The following RBSN variants were observed in gnomAD, a reference collection of about 807,000 sequenced individuals.
RBSN encodes the protein rabenosyn-5.
RBSN carries 34 observed loss-of-function variants against 60.5 expected under a neutral mutation model. The ratio of observed to expected loss-of-function variants is 0.56; its 90% CI spans 0.43 to 0.75. The LOEUF (loss-of-function observed/expected upper bound fraction) is 0.75, where lower values mean the gene tolerates loss of function less well. Among genes scored for constraint, RBSN ranks in the 30% least tolerant of loss-of-function variants. RBSN has a pLI of 0.00. For synonymous variants in RBSN, 322 were observed against 366.9 expected (o/e 0.88, Z 1.40); for missense variants, 845 against 986.8 (o/e 0.86, Z 1.92).
Position 15,074,444 on chromosome 3 carries a change from G to C in RBSN, c.1693C>G (p.Pro565Ala). 6.2e-7 allele frequency: 1 copy of C among 1,614,198 alleles called. No individual in the cohort carries two copies. Among genetic ancestry groups the C allele is most frequent in the Non-Finnish European group, 8.5e-7 (1 of 1,180,022 alleles). ...AAAGCATAAGCAAGGTGGGTGCGAG[G>C]CTCTCTGCTGGGCTCCAGCTGAAAA... ...GPFQLEPSRE[P>A]RTHLAYALDL... Residue 565 changes from proline to alanine, a missense_variant, in exon 14 of 14, where the codon CCT becomes GCT. Pro to Ala is a conservative substitution (Grantham distance 27). Coordinates refer to ENST00000253699, the MANE Select transcript of RBSN (RefSeq NM_022340.4). This position sits in a 1 kb window ranked among gnomAD's most constrained non-coding sequence, Gnocchi z 6.4.
chr3:15,091,829 C>A (rs1273412026), intron 4 of RBSN, among the ~76,000 whole-genome samples: 1 of 152,158 alleles, frequency 6.6e-6, no homozygotes, highest in Admixed American at 6.5e-5. Context: ...GGTTCTGCCA[C>A]CTGTGCTGGT....
At chr3:15,089,388 C>CT (rs1483551344) in intron 5 of RBSN, among the ~76,000 whole-genome samples, 2 of 139,532 alleles carry the variant, frequency 1.4e-5, no homozygotes, top group East Asian at 4.4e-4. Flanking sequence ...ATCACTTGAG[C>CT]CTGGAATGCA....
chr3:15,086,144 T>G, intron 5 of RBSN, 183 bp from the exon 6 acceptor site: 1 of 533,770 alleles, frequency 1.9e-6, no homozygotes, highest in Non-Finnish European at 3.3e-6. Context: ...ACGCCTATAA[T>G]CCCAGCTCCT....
chr3:15,092,687 C>T (rs933656935), intron 4 of RBSN, among the ~76,000 whole-genome samples: 2 of 152,188 alleles, frequency 1.3e-5, no homozygotes, highest in Non-Finnish European at 2.9e-5. Flanking sequence ...GCTGGGATTG[C>T]AGGCATGAGC....
intron 10 of RBSN, among the ~76,000 whole-genome samples, chr3:15,079,813 T>C (rs1235203354): frequency 6.6e-6 from 1 of 152,248 alleles, no homozygotes; most frequent in Non-Finnish European, 1.5e-5. Flanking sequence ...TGGGGTTTCC[T>C]ACTGGGGTGA....
chr3:15,087,850 G>A (rs1252281639), intron 5 of RBSN, among the ~76,000 whole-genome samples: 1 of 152,030 alleles, frequency 6.6e-6, no homozygotes, highest in Non-Finnish European at 1.5e-5. Flanking sequence ...CAAATTCCTG[G>A]CCTCATGTGA....
intron 10 of RBSN, 38 bp from the exon 11 acceptor site, chr3:15,078,199 G>A: frequency 6.4e-7 from 1 of 1,569,426 alleles, no homozygotes; most frequent in South Asian, 1.1e-5. Context: ...TAAGTTTCAT[G>A]GTGCAGATTG....
chr3:15,076,444 A>T (rs2043055786), intron 12 of RBSN, among the ~76,000 whole-genome samples: 1 of 152,178 alleles, frequency 6.6e-6, no homozygotes, highest in African/African-American at 2.4e-5. Flanking sequence ...CTATTTAATA[A>T]AAGAAAAAAA....
At position 15,073,461 on chromosome 3, in the gene RBSN, G is replaced by A. The variant is rs935231819; in HGVS notation, c.*321C>T. The A allele has an allele frequency of 3.5e-6, 1 of 287,894 alleles. No individual in the cohort carries two copies. Among genetic ancestry groups the A allele is most frequent in the Non-Finnish European group, 6.5e-6 (1 of 152,674 alleles). The allele number at this position is 287,894 out of a possible 1,614,324, so 17.8% of individuals were successfully genotyped here. The stretch of plus-strand genomic sequence containing the variant: ...CCATTTCTGCCCTGGGCCCAACAGA[G>A]CTGCATTTAGTTATATCTCGGTAGT... On this transcript the variant is annotated 3_prime_UTR_variant, in exon 14 of 14. Transcript: ENST00000253699.
chr3:15,076,733 AT>A (rs1239808775), intron 12 of RBSN, among the ~76,000 whole-genome samples: 1 of 152,204 alleles, frequency 6.6e-6, no homozygotes. Context: ...AGTCTATCAA[AT>A]GTCCAACTAA....
chr3:15,098,602 A>G (rs1468572394), intron 1 of RBSN, among the ~76,000 whole-genome samples: 1 of 152,070 alleles, frequency 6.6e-6, no homozygotes, highest in Admixed American at 6.6e-5. Context: ...CACAACCCAC[A>G]TAACTAACAT....
chr3:15,078,191 A>G, intron 10 of RBSN, 30 bp from the exon 11 acceptor site: 4 of 1,596,820 alleles, frequency 2.5e-6, no homozygotes, highest in Non-Finnish European at 3.4e-6. Flanking sequence ...ACGTGACCTA[A>G]GTTTCATGGT....
chr3:15,085,071 T>C (rs769912173), intron 6 of RBSN, 26 bp from the exon 7 acceptor site: 1 of 1,613,892 alleles, frequency 6.2e-7, no homozygotes, highest in Non-Finnish European at 8.5e-7. Context: ...TAGTGCCAAA[T>C]GAAATTAACC....
At chr3:15,089,989 T>C (rs2043466700) in intron 5 of RBSN, among the ~76,000 whole-genome samples, 1 of 152,172 alleles carries the variant, frequency 6.6e-6, no homozygotes, top group Non-Finnish European at 1.5e-5. Flanking sequence ...TTACTATAAT[T>C]ATTCAAAAAA....
In RBSN at chr3:15,084,329, G is replaced by A. The variant is rs751298145; in HGVS notation, c.598+406C>T. On this transcript the variant is annotated intron_variant, in intron 8 of 13. Coordinates refer to ENST00000253699, the MANE Select transcript of RBSN (RefSeq NM_022340.4). The surrounding 1 kb of genome is among the most constrained non-coding windows in gnomAD (Gnocchi z 4.2). ...GACAGGGTTTCAACATGTTGGCCAC[G>A]CTGGTCTCAAACTCCTGACCTCAAG... 6.6e-6 allele frequency among the ~76,000 whole-genome samples: 1 copy of A among 152,204 alleles called. No individual in the cohort carries two copies. The highest frequency in any genetic ancestry group is 6.5e-5 in the Admixed American group (1 of 15,276).
At chr3:15,089,458 A>G (rs2043438770) in intron 5 of RBSN, among the ~76,000 whole-genome samples, 2 of 108,910 alleles carry the variant, frequency 1.8e-5, no homozygotes, top group Admixed American at 1.7e-4. Flanking sequence ...TCCATCTCCA[A>G]AAAAAAAAAA....
chr3:15,084,508 C>G lies in RBSN; in HGVS notation c.598+227G>C, dbSNP rs1198692012. Among the ~76,000 whole-genome samples the G allele has an allele frequency of 2.0e-5, 3 of 152,226 alleles. No homozygotes were observed. The highest frequency in any genetic ancestry group is 6.5e-5 in the Admixed American group (1 of 15,280). ...CACAAAGCCTAAATGTATTTACTAT[C>G]TGATCCTTTACAAAGTTTGCCAATC... On this transcript the variant is annotated intron_variant, in intron 8 of 13. Transcript: ENST00000253699. This position sits in a 1 kb window ranked among gnomAD's most constrained non-coding sequence, Gnocchi z 4.2.
Position 15,082,173 on chromosome 3 carries a change from T to C in RBSN, c.840+194A>G, listed in dbSNP as rs1429286471. Among the ~76,000 whole-genome samples, 1 of 152,148 alleles carries C rather than the reference T, an allele frequency of 6.6e-6. No homozygotes were observed. Among genetic ancestry groups the C allele is most frequent in the East Asian group, 1.9e-4 (1 of 5,192 alleles). On this transcript the variant is annotated intron_variant, in intron 9 of 13. Coordinates refer to ENST00000253699, the MANE Select transcript of RBSN (RefSeq NM_022340.4). The surrounding 1 kb of genome is among the most constrained non-coding windows in gnomAD (Gnocchi z 4.2). The stretch of plus-strand genomic sequence containing the variant: ...GGAAGGCCACTTGAAACGAGTTTGT[T>C]GCAACACACCCAGGATGACTCTGAC...
rs1480690762 is a variant in RBSN, at chr3:15,072,470, T to C, written c.*1312A>G. 1.3e-5 allele frequency: 2 copies of C among 152,234 alleles called. No individual in the cohort carries two copies. The highest frequency in any genetic ancestry group is 6.5e-5 in the Admixed American group (1 of 15,286). The allele number at this position is 152,234 out of a possible 1,614,324, so 9.4% of individuals were successfully genotyped here. On this transcript the variant is annotated 3_prime_UTR_variant, in exon 14 of 14. Transcript: ENST00000253699. ...AAGGAAGAAGGCTGATCAAATAGCC[T>C]TGGAAATTATTTTAATTTAGCTTCT...
Sources: allele counts gnomAD v4.1 joint callset (sites outside exome capture counted in the v4.1 genomes callset), GRCh38; gene constraint gnomAD v4.1.1; non-coding constraint Gnocchi (gnomAD v3.1); transcripts MANE v1.5; gene names NCBI Gene and HGNC (gene_info 2026-07-23, HGNC 2026-07-21).